CFAP96: variants seen among roughly 807,000 people sequenced by gnomAD.
CFAP96 encodes the protein cilia and flagella associated protein 96, also known as cilia-and flagella-associated protein 96.
chr4:185,435,313 A>T, the CFAP96 span, among the ~76,000 whole-genome samples: 3 of 152,212 alleles, frequency 2.0e-5, no homozygotes, highest in African/African-American at 7.2e-5. Flanking sequence ...TTTAACTCAG[A>T]TGTATGAACA....
chr4:185,445,406 G>A, the CFAP96 span: 1 of 908,612 alleles, frequency 1.1e-6, no homozygotes, highest in Non-Finnish European at 1.7e-6. Flanking sequence ...CTCATTATGA[G>A]TCATTTGAGA....
chr4:185,441,239 C>T, the CFAP96 span, among the ~76,000 whole-genome samples: 1 of 152,130 alleles, frequency 6.6e-6, no homozygotes, highest in South Asian at 2.1e-4. Context: ...CTTCCTACTG[C>T]AGAAGTTAAT....
the CFAP96 span, chr4:185,445,007 A>G: frequency 6.4e-6 from 10 of 1,551,468 alleles, no homozygotes; most frequent in Admixed American, 2.0e-4. Flanking sequence ...TACCCATCAC[A>G]TTCTGCTGAC....
At chr4:185,412,810 T>C in the CFAP96 span, among the ~76,000 whole-genome samples, 2 of 152,118 alleles carry the variant, frequency 1.3e-5, no homozygotes, top group Middle Eastern at 3.4e-3. Context: ...AGGGCTGCTG[T>C]TTCTAAGAGG....
the CFAP96 span, chr4:185,425,979 T>C: frequency 7.9e-7 from 1 of 1,261,036 alleles, no homozygotes; most frequent in Non-Finnish European, 1.1e-6. Context: ...GCGGACCAAC[T>C]ACAACTCCCG....
At chr4:185,445,507 G>T in the CFAP96 span, 3 of 1,577,186 alleles carry the variant, frequency 1.9e-6, no homozygotes, top group African/African-American at 1.4e-5. Context: ...GAATCCTAAT[G>T]ATGCTTGAGA....
At chr4:185,434,819 A>G in the CFAP96 span, among the ~76,000 whole-genome samples, 1 of 152,042 alleles carries the variant, frequency 6.6e-6, no homozygotes, top group Non-Finnish European at 1.5e-5. Context: ...GCTCACTGCA[A>G]TCTCCGCCTC....
At chr4:185,433,134 G>A in the CFAP96 span, among the ~76,000 whole-genome samples, 2 of 152,098 alleles carry the variant, frequency 1.3e-5, no homozygotes, top group African/African-American at 2.4e-5. Flanking sequence ...AACTGTCAAT[G>A]TTCCCTTTAA....
At chr4:185,413,656 G>A in the CFAP96 span, 4 of 1,426,606 alleles carry the variant, frequency 2.8e-6, no homozygotes, top group South Asian at 5.6e-5. Context: ...GTCTCCTACT[G>A]GGTACCAACA....
At chr4:185,417,828 G>A in the CFAP96 span, among the ~76,000 whole-genome samples, 1 of 152,100 alleles carries the variant, frequency 6.6e-6, no homozygotes, top group African/African-American at 2.4e-5. Flanking sequence ...TGGATCGCCC[G>A]AGGTCAGGAG....
chr4:185,429,043 A>G, the CFAP96 span, among the ~76,000 whole-genome samples: 1 of 152,214 alleles, frequency 6.6e-6, no homozygotes. Flanking sequence ...GTACAGTAAT[A>G]ATTTTATCAT....
the CFAP96 span, among the ~76,000 whole-genome samples, chr4:185,441,411 G>A: frequency 6.6e-6 from 1 of 150,962 alleles, no homozygotes; most frequent in African/African-American, 2.4e-5. Flanking sequence ...TATATTAAGG[G>A]TACTAGTCTT....
the CFAP96 span, chr4:185,429,232 A>G: frequency 6.4e-6 from 3 of 469,826 alleles, no homozygotes; most frequent in Non-Finnish European, 1.1e-5. Context: ...ATTGTTTTGT[A>G]GTAAACCTTA....
At chr4:185,410,458 G>A in the CFAP96 span, among the ~76,000 whole-genome samples, 1 of 151,968 alleles carries the variant, frequency 6.6e-6, no homozygotes, top group Non-Finnish European at 1.5e-5. Flanking sequence ...AGACCAGCCT[G>A]GCCAGCATGA....
chr4:185,433,441 TC>T, the CFAP96 span, among the ~76,000 whole-genome samples: 3 of 150,294 alleles, frequency 2.0e-5, no homozygotes, highest in Non-Finnish European at 4.4e-5. Flanking sequence ...TCATTCACAC[TC>T]AAAGCTTTGA....
the CFAP96 span, among the ~76,000 whole-genome samples, chr4:185,436,861 G>A: frequency 6.6e-6 from 1 of 152,008 alleles, no homozygotes; most frequent in Admixed American, 6.6e-5. Context: ...ATGTCTTGCT[G>A]TATATCCTCT....
chr4:185,441,641 A>G, the CFAP96 span, among the ~76,000 whole-genome samples: 1 of 151,514 alleles, frequency 6.6e-6, no homozygotes, highest in African/African-American at 2.4e-5. Flanking sequence ...TAAAATTTCT[A>G]CTAAAAATTT....
the CFAP96 span, chr4:185,432,340 T>C: frequency 1.1e-5 from 7 of 650,048 alleles, no homozygotes; most frequent in Non-Finnish European, 1.8e-5. Context: ...GTGGAGATAG[T>C]TGTATTGGAT....
chr4:185,445,083 A>C, the CFAP96 span: 1 of 1,551,666 alleles, frequency 6.4e-7, no homozygotes, highest in Non-Finnish European at 8.7e-7. Context: ...CACCAAGTGG[A>C]CCAAAAAGCA....
Sources: gnomAD v4.1 joint callset for allele counts (sites outside exome capture counted in the v4.1 genomes callset) on GRCh38, gnomAD v4.1.1 for gene constraint, MANE v1.5 for transcripts, NCBI Gene and HGNC (gene_info 2026-07-23, HGNC 2026-07-21) for gene names.